SV2C: variants seen among roughly 807,000 people sequenced by gnomAD.
SV2C encodes solute carrier family 22 member B3.
A neutral mutation model predicts 79.7 loss-of-function variants in SV2C; 49 were observed. That is an observed-to-expected ratio of 0.61 (90% confidence interval 0.49 to 0.78). The LOEUF is 0.78. Ranked by LOEUF, SV2C falls within the 30% of genes least tolerant of loss-of-function variation. The pLI is 0.00. For missense variants in SV2C, 833 were observed against 912.9 expected (o/e 0.91, Z 1.13); for synonymous variants, 334 against 333.2 (o/e 1.00, Z -0.03).
the SV2C span, among the ~76,000 whole-genome samples, chr5:75,907,685 C>T: frequency 6.6e-6 from 1 of 152,152 alleles, no homozygotes; most frequent in Non-Finnish European, 1.5e-5. Context: ...GGCTGTCTGT[C>T]CCTAACCGAG....
chr5:76,118,551 C>A (rs941855320), intron 1 of SV2C, among the ~76,000 whole-genome samples: 4 of 152,248 alleles, frequency 2.6e-5, no homozygotes, highest in South Asian at 2.1e-4. Context: ...TGATAAAACA[C>A]CTTTTTTTTA....
chr5:76,339,509 T>C (rs555116470), intron 12 of SV2C, among the ~76,000 whole-genome samples: 2 of 152,226 alleles, frequency 1.3e-5, no homozygotes, highest in East Asian at 3.9e-4. Flanking sequence ...GGTCAGGAGA[T>C]CGAGACCATC....
the SV2C span, among the ~76,000 whole-genome samples, chr5:76,037,448 T>C: frequency 2.0e-5 from 3 of 152,210 alleles, no homozygotes; most frequent in Non-Finnish European, 4.4e-5. Flanking sequence ...TTCTGTTTGT[T>C]AGTTTTCCTT....
At chr5:75,991,570 TATATATATATATATACACAC>T in the SV2C span, among the ~76,000 whole-genome samples, 1 of 145,108 alleles carries the variant, frequency 6.9e-6, no homozygotes, top group Non-Finnish European at 1.5e-5. Context: ...TAGCAAGATA[TATATATATATATATACACAC>T]ATATATATAT....
the SV2C span, among the ~76,000 whole-genome samples, chr5:76,055,770 G>C: frequency 6.6e-5 from 10 of 152,088 alleles, no homozygotes; most frequent in Non-Finnish European, 1.2e-4. Context: ...TTGTTAATGG[G>C]AGTTCATTCA....
intron 1 of SV2C, among the ~76,000 whole-genome samples, chr5:76,094,489 A>C (rs545935876): frequency 7.2e-5 from 11 of 152,218 alleles, no homozygotes; most frequent in Admixed American, 2.0e-4. Flanking sequence ...TTTGTGTATC[A>C]ATAGTCAATT....
At chr5:76,049,024 A>AAGAAAGAAAGAAAGAAAGAG in the SV2C span, among the ~76,000 whole-genome samples, 1 of 120,520 alleles carries the variant, frequency 8.3e-6, no homozygotes, top group South Asian at 2.9e-4. Context: ...AGAAAGAAAG[A>AAGAAAGAAAGAAAGAAAGAG]AAAAGAAAAG....
rs559052290 is a variant in SV2C at position 76,243,012 on chromosome 5, T to TAAAAAAAAAAAAAAAAAAAAAAAAA, written c.913+33129_913+33153dup. Among the ~76,000 whole-genome samples the TAAAAAAAAAAAAAAAAAAAAAAAAA allele has an allele frequency of 9.6e-4, 48 of 49,924 alleles. 1 individual carries two copies. Among genetic ancestry groups the TAAAAAAAAAAAAAAAAAAAAAAAAA allele is most frequent in the Non-Finnish European group, 1.5e-3 (41 of 28,168 alleles). The allele number at this position is 49,924 out of a possible 152,430, so 32.8% of individuals were successfully genotyped here. On this transcript the variant is annotated intron_variant, in intron 4 of 12. Transcript: ENST00000502798. Reference sequence around the variant, plus strand: ...CTGTGCAACAGATCGAGACCCCATCTAAAAAAAAAAAAAAAAAAAAAAAAA... The same window carrying TAAAAAAAAAAAAAAAAAAAAAAAAA: ...CTGTGCAACAGATCGAGACCCCATCTAAAAAAAAAAAAAAAAAAAAAAAAAAAAAAAAAAAAAAAAAAAAAAAAAA...
the SV2C span, among the ~76,000 whole-genome samples, chr5:76,065,666 C>T: frequency 1.3e-5 from 2 of 152,134 alleles, no homozygotes; most frequent in Middle Eastern, 3.2e-3. Context: ...TCAATTTTTA[C>T]ACTCTAGGTT....
At chr5:76,174,295 C>G in intron 2 of SV2C, 2 of 1,020,950 alleles carry the variant, frequency 2.0e-6, no homozygotes, top group Non-Finnish European at 2.9e-6. Context: ...GGCGCCACGG[C>G]GGTCCTGCCG....
chr5:75,916,458 T>C, the SV2C span, among the ~76,000 whole-genome samples: 1 of 140,930 alleles, frequency 7.1e-6, no homozygotes, highest in African/African-American at 2.6e-5. Flanking sequence ...TCCTCCTCCT[T>C]CTCTTCTTCC....
chr5:75,974,848 A>G, the SV2C span, among the ~76,000 whole-genome samples: 5,159 of 152,240 alleles, frequency 0.034, 254 homozygotes, highest in African/African-American at 0.11. Flanking sequence ...TAGGTTTACT[A>G]TTCACAACCC....
chr5:76,167,850 G>C (rs990557614), intron 2 of SV2C, among the ~76,000 whole-genome samples: 8 of 152,158 alleles, frequency 5.3e-5, no homozygotes, highest in Non-Finnish European at 1.2e-4. Context: ...TCCCAACCTA[G>C]AAGAGGCACT....
the SV2C span, among the ~76,000 whole-genome samples, chr5:75,918,520 A>G: frequency 1.3e-5 from 2 of 152,254 alleles, no homozygotes; most frequent in Non-Finnish European, 2.9e-5. Flanking sequence ...ATGAGGAAGA[A>G]CTTACTCATC....
At chr5:75,947,349 T>A in the SV2C span, among the ~76,000 whole-genome samples, 2 of 151,982 alleles carry the variant, frequency 1.3e-5, no homozygotes, top group Non-Finnish European at 2.9e-5. Flanking sequence ...TTTTATTTTA[T>A]TTTTTCTTTC....
At chr5:76,323,158 A>G (rs1236820069) in intron 12 of SV2C, among the ~76,000 whole-genome samples, 1 of 152,266 alleles carries the variant, frequency 6.6e-6, no homozygotes, top group African/African-American at 2.4e-5. Context: ...TCTAATATCT[A>G]GAATTTACAA....
At chr5:76,318,915 G>T (rs919845444) in intron 12 of SV2C, among the ~76,000 whole-genome samples, 10 of 152,182 alleles carry the variant, frequency 6.6e-5, no homozygotes, top group African/African-American at 1.9e-4. Flanking sequence ...GGTTCTGCAA[G>T]CTCTGAGCTC....
the SV2C span, among the ~76,000 whole-genome samples, chr5:75,904,719 C>G: frequency 6.6e-6 from 1 of 152,196 alleles, no homozygotes; most frequent in Non-Finnish European, 1.5e-5. Context: ...ATCTGTCATC[C>G]TAACTCTAGA....
intron 4 of SV2C, among the ~76,000 whole-genome samples, chr5:76,276,975 T>C (rs896435480): frequency 4.6e-5 from 7 of 151,992 alleles, no homozygotes; most frequent in African/African-American, 9.7e-5. Context: ...GGCACTAAAG[T>C]AGGAATGAAT....
Sources: gnomAD v4.1 joint callset for allele counts (sites outside exome capture counted in the v4.1 genomes callset) on GRCh38, gnomAD v4.1.1 for gene constraint, MANE v1.5 for transcripts, NCBI Gene and HGNC (gene_info 2026-07-23, HGNC 2026-07-21) for gene names.